NAV2: variants seen among roughly 807,000 people sequenced by gnomAD.
The protein encoded by NAV2 is helicase, APC down-regulated 1.
In NAV2, 54 loss-of-function variants were observed where a neutral mutation model predicts 223.2. The observed-to-expected ratio is 0.24, with a 90% CI of 0.19 to 0.30. NAV2 has a LOEUF of 0.30. Among genes scored for constraint, NAV2 ranks in the 10% least tolerant of loss-of-function variants. The pLI is 1.00. For missense variants in NAV2, 2,806 were observed against 3,147.5 expected (o/e 0.89, Z 2.60); for synonymous variants, 1,279 against 1,239.3 (o/e 1.03, Z -0.67).
chr11:19,537,932 T>C (rs956260948), intron 1 of NAV2, among the ~76,000 whole-genome samples: 2 of 152,228 alleles, frequency 1.3e-5, no homozygotes, highest in Non-Finnish European at 2.9e-5. Context: ...CTGGCCTAGG[T>C]GATGCATTTT....
intron 1 of NAV2, among the ~76,000 whole-genome samples, chr11:19,493,447 C>A (rs2042695455): frequency 6.6e-6 from 1 of 152,108 alleles, no homozygotes; most frequent in South Asian, 2.1e-4. Flanking sequence ...CTTCTTAAAG[C>A]CTCTCTGTAA....
chr11:20,049,572 T>G (rs555728896), intron 15 of NAV2, among the ~76,000 whole-genome samples: 2 of 152,052 alleles, frequency 1.3e-5, no homozygotes, highest in African/African-American at 4.8e-5. Context: ...ATGGAGTGTT[T>G]AGTAGGATGC....
In NAV2 at chr11:19,560,503, G is replaced by A. The variant is rs542982877; in HGVS notation, c.75+209476G>A. Among the ~76,000 whole-genome samples the A allele has an allele frequency of 4.6e-5, 7 of 152,296 alleles. No homozygotes were observed. The East Asian group carries it at 7.7e-4, about 17-fold the overall frequency. On this transcript the variant is annotated intron_variant, in intron 1 of 37. Coordinates refer to the NAV2 transcript ENST00000360655. Reference sequence around the variant, plus strand: ...ATGTGCCTCAGATGTCTGCTGTGAAGCGCCACTGAGGTCATACCTGTAAAA... The same window carrying A: ...ATGTGCCTCAGATGTCTGCTGTGAAACGCCACTGAGGTCATACCTGTAAAA...
At chr11:19,561,442 T>A (rs1686151911) in intron 1 of NAV2, among the ~76,000 whole-genome samples, 1 of 152,148 alleles carries the variant, frequency 6.6e-6, no homozygotes, top group South Asian at 2.1e-4. Context: ...TATATGAAAT[T>A]CAGAAATCCA....
chr11:20,015,975 C>T (rs1356935663), intron 11 of NAV2, among the ~76,000 whole-genome samples: 2 of 152,164 alleles, frequency 1.3e-5, no homozygotes, highest in Non-Finnish European at 2.9e-5. Context: ...TCCAGTCTGT[C>T]GCTTGGCAGT....
rs527687866 is a variant in NAV2, at chr11:19,702,434, C to G, written c.76-130050C>G. On this transcript the variant is annotated intron_variant, in intron 1 of 37. Coordinates refer to the NAV2 transcript ENST00000360655. ...GCAGAGATGGATGTAAGCTAGTTTT[C>G]TGCATTTCCACATCACCAACATTTG... is the stretch of plus-strand genomic sequence containing the variant. Among the ~76,000 whole-genome samples, 25 of 152,296 alleles carry G rather than the reference C, an allele frequency of 1.6e-4. No homozygotes were observed. In the East Asian group the frequency reaches 4.4e-3, roughly 27 times the overall value.
At chr11:19,735,353 G>T (rs555643818) in intron 1 of NAV2, among the ~76,000 whole-genome samples, 2 of 152,208 alleles carry the variant, frequency 1.3e-5, no homozygotes, top group African/African-American at 4.8e-5. Context: ...TTCCCTGCGA[G>T]CAGCTTTCTT....
chr11:20,099,582 T>C (rs2061493648), intron 31 of NAV2, among the ~76,000 whole-genome samples: 1 of 152,178 alleles, frequency 6.6e-6, no homozygotes, highest in African/African-American at 2.4e-5. Flanking sequence ...CAGTGACACC[T>C]GACTCTTCTC....
chr11:20,026,532 G>T (rs983641316), intron 11 of NAV2, among the ~76,000 whole-genome samples: 2 of 152,048 alleles, frequency 1.3e-5, no homozygotes, highest in East Asian at 1.9e-4. Context: ...GGATGGTCTC[G>T]ATCTCCTGAC....
At chr11:19,774,147 C>T (rs376892795) in intron 1 of NAV2, among the ~76,000 whole-genome samples, 1 of 152,194 alleles carries the variant, frequency 6.6e-6, no homozygotes, top group Non-Finnish European at 1.5e-5. Flanking sequence ...CTGTGAAGTC[C>T]TTCCATGCTC....
At chr11:19,481,936 C>T (rs894766120) in intron 1 of NAV2, among the ~76,000 whole-genome samples, 1 of 152,192 alleles carries the variant, frequency 6.6e-6, no homozygotes, top group Non-Finnish European at 1.5e-5. Context: ...GTTAAGATGA[C>T]TTTCATACTG....
chr11:19,806,880 A>G (rs1388110201), intron 1 of NAV2, among the ~76,000 whole-genome samples: 2 of 152,184 alleles, frequency 1.3e-5, no homozygotes, highest in Non-Finnish European at 2.9e-5. Context: ...ATATATCTCT[A>G]TGTAGAGTGT....
intron 1 of NAV2, among the ~76,000 whole-genome samples, chr11:19,728,087 G>T (rs921676790): frequency 6.6e-6 from 1 of 152,188 alleles, no homozygotes; most frequent in African/African-American, 2.4e-5. Flanking sequence ...GCACCAAGAA[G>T]GTTTCTGTGT....
rs1565112270 is a variant in NAV2 at position 20,114,765 on chromosome 11, G to C, written c.7134G>C (p.Met2378Ile). 2.5e-6 allele frequency: 4 copies of C among 1,613,708 alleles called. No homozygotes were observed. The highest frequency in any genetic ancestry group is 2.2e-5 in the East Asian group (1 of 44,852). Residue 2378 changes from methionine to isoleucine, a missense_variant, in exon 37 of 38, where the codon ATG (methionine) becomes ATC (isoleucine). Met to Ile is a conservative substitution (Grantham distance 10). Transcript: ENST00000349880. ...GGGAGGGATCGACAAGCAAGCAGAT[G>C]CCCCCCAGTGATGCTGAAGGTGACC... ...MPREGSTSKQMPPSDAEGDPL... is the reference protein window; with the variant it reads ...MPREGSTSKQIPPSDAEGDPL...
intron 1 of NAV2, among the ~76,000 whole-genome samples, chr11:19,829,596 T>C (rs2152891939): frequency 6.6e-6 from 1 of 152,338 alleles, no homozygotes; most frequent in Non-Finnish European, 1.5e-5. Context: ...ATAATACCAA[T>C]GATGTAGGTA....
intron 26 of NAV2, among the ~76,000 whole-genome samples, chr11:20,085,552 C>T (rs1565027158): frequency 6.6e-6 from 1 of 152,192 alleles, no homozygotes; most frequent in Admixed American, 6.5e-5. Context: ...ATCTGCATGC[C>T]AGGGGGAGCC....
intron 6 of NAV2, among the ~76,000 whole-genome samples, chr11:19,921,146 C>T (rs2153228907): frequency 6.6e-6 from 1 of 152,336 alleles, no homozygotes. Flanking sequence ...GGATCAGTCA[C>T]ATCCGTGAAG....
At chr11:19,429,819 G>T (rs2133583658) in intron 1 of NAV2, among the ~76,000 whole-genome samples, 1 of 152,298 alleles carries the variant, frequency 6.6e-6, no homozygotes, top group African/African-American at 2.4e-5. Context: ...TTTGCTGAGT[G>T]GCCTGAAGTC....
At chr11:19,687,083 C>A (rs1457708186) in intron 1 of NAV2, among the ~76,000 whole-genome samples, 3 of 152,220 alleles carry the variant, frequency 2.0e-5, no homozygotes, top group East Asian at 3.9e-4. Flanking sequence ...CGAGGACCTG[C>A]TGACTCTGTT....
Sources: gnomAD v4.1 joint callset for allele counts (sites outside exome capture counted in the v4.1 genomes callset) on GRCh38, gnomAD v4.1.1 for gene constraint, MANE v1.5 for transcripts, NCBI Gene and HGNC (gene_info 2026-07-23, HGNC 2026-07-21) for gene names.